The following VDR variants were observed in gnomAD, a reference collection of about 807,000 sequenced individuals.
The protein encoded by VDR is vitamin D receptor, also known as vitamin D3 receptor.
A neutral mutation model predicts 39.7 loss-of-function variants in VDR; 19 were observed. The ratio of observed to expected loss-of-function variants is 0.48; its 90% CI spans 0.33 to 0.70. The LOEUF is 0.70. VDR is among the 30% of genes least tolerant of loss of function. VDR has a pLI of 0.02. For synonymous variants in VDR, 242 were observed against 215.8 expected, an observed-to-expected ratio of 1.12 and a Z score of -1.07; for missense variants, 442 against 570.5, an observed-to-expected ratio of 0.77 and a Z score of 2.29.
At position 47,902,264 on chromosome 12, in the gene VDR, G is replaced by C. The variant is rs376875493; in HGVS notation, c.-84+2691C>G. 5.3e-5 allele frequency among the ~76,000 whole-genome samples: 8 copies of C among 152,326 alleles called. No homozygotes were observed. In the South Asian group the frequency reaches 8.3e-4, roughly 16 times the overall value. ...GGCACTCTTTCTAGCATATCTAGGA[G>C]GGCACTGACACAGGAAAAGGTTAGG... On this transcript the variant is annotated intron_variant, in intron 1 of 9. Coordinates refer to ENST00000549336, the MANE Select transcript of VDR (RefSeq NM_000376.3).
At chr12:47,878,813 C>T (rs1946066484) in intron 3 of VDR, 155 bp downstream of exon 3, 3 of 1,200,866 alleles carry the variant, frequency 2.5e-6, no homozygotes, top group South Asian at 1.3e-5. Flanking sequence ...AGATACCACT[C>T]ACCAAGACCC....
chr12:47,889,588 C>T (rs954030083), intron 1 of VDR, among the ~76,000 whole-genome samples: 1 of 152,186 alleles, frequency 6.6e-6, no homozygotes, highest in Non-Finnish European at 1.5e-5. Flanking sequence ...TTCTCTACTC[C>T]AGGTGGGTCT....
At chr12:47,865,518 C>T (rs1172946764) in intron 3 of VDR, among the ~76,000 whole-genome samples, 1 of 151,764 alleles carries the variant, frequency 6.6e-6, no homozygotes, top group Non-Finnish European at 1.5e-5. Flanking sequence ...TTCAAGTAAT[C>T]CTCCTGCTTC....
rs527956657 is a variant in VDR at position 47,861,294 on chromosome 12, C to G, written c.278-3606G>C. Among the ~76,000 whole-genome samples the G allele has an allele frequency of 3.2e-4, 48 of 152,344 alleles. 1 individual carries two copies. The highest frequency in any genetic ancestry group is 7.9e-4 in the African/African-American group (33 of 41,588). ...CCACTTTAAAGAGACAAAGAAAGTTCAAGTTTAACCCTATAACATGATTCC... is the reference window on the plus strand; with the variant it reads ...CCACTTTAAAGAGACAAAGAAAGTTGAAGTTTAACCCTATAACATGATTCC... On this transcript the variant is annotated intron_variant, in intron 4 of 9. Transcript: ENST00000549336.
intron 4 of VDR, 64 bp downstream of exon 4, chr12:47,864,983 G>C (rs1565618144): frequency 6.2e-7 from 1 of 1,605,874 alleles, no homozygotes. Flanking sequence ...TTGCAGGAGA[G>C]TGGCCAAGGC....
chr12:47,870,016 C>T (rs1172333056), intron 3 of VDR, among the ~76,000 whole-genome samples: 2 of 152,230 alleles, frequency 1.3e-5, no homozygotes, highest in Non-Finnish European at 2.9e-5. Flanking sequence ...GACACCATTA[C>T]GCTCTGGAGC....
In VDR at chr12:47,878,293, C is replaced by T. The variant is rs11574054; in HGVS notation, c.146+675G>A. 1.1e-3 allele frequency among the ~76,000 whole-genome samples: 171 copies of T among 152,310 alleles called. 4 individuals are homozygous for T. In the South Asian group the frequency reaches 0.034, roughly 30 times the overall value. The stretch of plus-strand genomic sequence containing the variant: ...TGCCCCAATTCATCCCTTTCCCACG[C>T]TCCCACCCTGGCTTTGAATGGGAAC... On this transcript the variant is annotated intron_variant, in intron 3 of 9. Transcript: ENST00000549336.
intron 7 of VDR, among the ~76,000 whole-genome samples, chr12:47,847,103 G>C (rs535813482): frequency 1.3e-5 from 2 of 152,266 alleles, no homozygotes; most frequent in South Asian, 4.2e-4. Flanking sequence ...GCCCAGGGAA[G>C]TTCCCAGCAT....
rs535324480 is a variant in VDR at position 47,871,969 on chromosome 12, G to A, written c.147-6792C>T. ...ACATAAAGAATCTGGAAGCGAACAC[G>A]ATGAGCTGGCAACAGTGACAGCTTC... On this transcript the variant is annotated intron_variant, in intron 3 of 9. Transcript: ENST00000549336. Among the ~76,000 whole-genome samples the A allele has an allele frequency of 5.3e-4, 80 of 152,358 alleles. No individual in the cohort carries two copies. In the South Asian group the frequency reaches 0.016, roughly 30 times the overall value.
At chr12:47,861,950 G>A (rs1276100777) in intron 4 of VDR, among the ~76,000 whole-genome samples, 1 of 152,192 alleles carries the variant, frequency 6.6e-6, no homozygotes, top group African/African-American at 2.4e-5. Flanking sequence ...ATCAGGTTTG[G>A]GAGAATCTTA....
intron 1 of VDR, among the ~76,000 whole-genome samples, chr12:47,883,699 T>G (rs982818697): frequency 6.6e-6 from 1 of 152,224 alleles, no homozygotes; most frequent in African/African-American, 2.4e-5. Flanking sequence ...GGCAAAGGCC[T>G]TTAAGTCAGA....
At chr12:47,881,618 A>C (rs1023770494) in intron 2 of VDR, among the ~76,000 whole-genome samples, 42 of 152,258 alleles carry the variant, frequency 2.8e-4, no homozygotes, top group East Asian at 1.2e-3. Flanking sequence ...TCTTCTTCTT[A>C]TTATTATTAG....
rs1945507746 is a variant in VDR at position 47,857,196 on chromosome 12, G to A, written c.516C>T (p.Ser172=). The A allele has an allele frequency of 1.2e-6, 2 of 1,614,064 alleles. No homozygotes were observed. The highest frequency in any genetic ancestry group is 2.2e-5 in the East Asian group (1 of 44,884). The part of the protein sequence containing the change: ...GGGSHPSRPN[S]RHTPSFSGDS... ...CCCCAGAGAAGCTGGGAGTGTGTCT[G>A]GAGTTGGGCCTGGAAGGATGGCTCC... is the stretch of plus-strand genomic sequence containing the variant. Residue 172 remains serine (S), a synonymous_variant, in exon 6 of 10, where the codon TCC becomes TCT. Coordinates refer to ENST00000549336, the MANE Select transcript of VDR (RefSeq NM_000376.3).
At chr12:47,851,811 T>C (rs1159334558) in intron 7 of VDR, among the ~76,000 whole-genome samples, 6 of 152,230 alleles carry the variant, frequency 3.9e-5, no homozygotes, top group Non-Finnish European at 8.8e-5. Context: ...CAAGTCATAC[T>C]GAAGACAGAG....
At chr12:47,861,628 T>C (rs2239182) in intron 4 of VDR, among the ~76,000 whole-genome samples, 77,391 of 152,110 alleles carry the variant, frequency 0.51, 20,084 homozygotes, top group African/African-American at 0.58. Flanking sequence ...TGACCTAGAA[T>C]AAGAGTAAAC....
In VDR at chr12:47,879,057, G is replaced by A. The variant is rs2228572; in HGVS notation, c.57C>T (p.Asn19=). Residue 19 remains asparagine, a synonymous_variant, in exon 3 of 10, where the codon AAC becomes AAT. Coordinates refer to ENST00000549336, the MANE Select transcript of VDR (RefSeq NM_000376.3). ...SLPDPGDFDR[N]VPRICGVCGD... ...CACACACCCCACAGATCCGGGGCAC[G>A]TTCCGGTCAAAGTCTCCAGGGTCAG... The A allele has an allele frequency of 0.022, 36,013 of 1,614,134 alleles. 497 individuals are homozygous for A. The highest frequency in any genetic ancestry group is 0.053 in the African/African-American group (3,994 of 75,022).
intron 1 of VDR, among the ~76,000 whole-genome samples, chr12:47,894,597 T>G (rs903819687): frequency 6.6e-6 from 1 of 152,210 alleles, no homozygotes; most frequent in Admixed American, 6.5e-5. Flanking sequence ...GAACTCCCCC[T>G]GACCTGAAAA....
intron 1 of VDR, chr12:47,898,617 A>G (rs1946504457): frequency 6.5e-6 from 1 of 154,828 alleles, no homozygotes; most frequent in African/African-American, 2.4e-5. Flanking sequence ...AAACAACCCA[A>G]ATGTCCATCA....
At chr12:47,890,735 C>A (rs1946354671) in intron 1 of VDR, among the ~76,000 whole-genome samples, 1 of 152,144 alleles carries the variant, frequency 6.6e-6, no homozygotes, top group Non-Finnish European at 1.5e-5. Flanking sequence ...GAACGTGTGC[C>A]CTAGAAGTGC....
Sources: gnomAD v4.1 joint callset for allele counts (sites outside exome capture counted in the v4.1 genomes callset) on GRCh38, gnomAD v4.1.1 for gene constraint, MANE v1.5 for transcripts, NCBI Gene and HGNC (gene_info 2026-07-23, HGNC 2026-07-21) for gene names.